NPS: variants seen among roughly 807,000 people sequenced by gnomAD.
The protein encoded by NPS is neuropeptide S, also known as prepro-neuropeptide S.
A neutral mutation model predicts 7.2 loss-of-function variants in NPS; 6 were observed. The ratio of observed to expected loss-of-function variants is 0.83; its 90% CI spans 0.46 to 1.64. The LOEUF is 1.64. Ranked by LOEUF, NPS falls within the 40% of genes most tolerant of loss-of-function variation. The probability of loss-of-function intolerance (pLI) is 0.01; values close to 1 mark genes in which losing one functional copy is unlikely to be tolerated. For missense variants in NPS, 123 were observed against 97.8 expected (o/e 1.26, Z -1.09); for synonymous variants, 42 against 36.7 (o/e 1.14, Z -0.52).
chr10:127,549,586 C>A lies in NPS; in HGVS notation c.90+16C>A. On this transcript the variant is annotated intron_variant, in intron 2 of 2. Transcript: ENST00000398023. ...ATCTTCTAAGGTAAGGATTTGCCTC[C>A]GTTGTGGATATTTAAATAGATGACT... The A allele has an allele frequency of 7.0e-7, 1 of 1,435,862 alleles. No individual in the cohort carries two copies. The highest frequency in any genetic ancestry group is 9.8e-7 in the Non-Finnish European group (1 of 1,018,854). 88.9% of individuals were successfully genotyped at this position (1,435,862 alleles called of 1,614,324 possible).
intron 2 of NPS, among the ~76,000 whole-genome samples, chr10:127,551,154 A>G (rs1393314512): frequency 1.3e-5 from 2 of 152,152 alleles, no homozygotes; most frequent in Non-Finnish European, 1.5e-5. Context: ...TAGCACACGG[A>G]AAAATACATA....
intron 2 of NPS, among the ~76,000 whole-genome samples, chr10:127,550,602 T>C (rs1041256652): frequency 1.3e-5 from 2 of 152,236 alleles, no homozygotes; most frequent in African/African-American, 4.8e-5. Flanking sequence ...CAGGCTCTTC[T>C]CTGTAGCTTT....
At position 127,552,921 on chromosome 10, in the gene NPS, G is replaced by A. The variant is rs942661688; in HGVS notation, c.*282G>A. On this transcript the variant is annotated 3_prime_UTR_variant, in exon 3 of 3. Coordinates refer to ENST00000398023, the MANE Select transcript of NPS (RefSeq NM_001030013.2). Reference sequence around the variant, plus strand: ...GACACTTTTGCTTTGCTTTTAACTTGGCCAGAAAGCATGAGCATGTTGACA... The same window carrying A: ...GACACTTTTGCTTTGCTTTTAACTTAGCCAGAAAGCATGAGCATGTTGACA... Among the ~76,000 whole-genome samples the A allele has an allele frequency of 2.0e-5, 3 of 152,068 alleles. No homozygotes were observed. Among genetic ancestry groups the A allele is most frequent in the Admixed American group, 6.5e-5 (1 of 15,272 alleles).
rs77800207 is a variant in NPS, at chr10:127,549,586, C to T, written c.90+16C>T. On this transcript the variant is annotated intron_variant, in intron 2 of 2. Coordinates refer to ENST00000398023, the MANE Select transcript of NPS (RefSeq NM_001030013.2). ...ATCTTCTAAGGTAAGGATTTGCCTCCGTTGTGGATATTTAAATAGATGACT... is the reference window on the plus strand; with the variant it reads ...ATCTTCTAAGGTAAGGATTTGCCTCTGTTGTGGATATTTAAATAGATGACT... 464 of 1,435,864 alleles carry T rather than the reference C, an allele frequency of 3.2e-4. No homozygotes were observed. The African/African-American group carries it at 5.0e-3, about 16-fold the overall frequency. The allele number at this position is 1,435,864 out of a possible 1,614,324, so 88.9% of individuals were successfully genotyped here. A position where few individuals can be genotyped will look rare whatever the true frequency, so the allele number is the denominator to read the frequency against.
chr10:127,550,065 G>A (rs1999635), intron 2 of NPS, among the ~76,000 whole-genome samples: 12,969 of 152,060 alleles, frequency 0.085, 951 homozygotes, highest in African/African-American at 0.19. Context: ...TCATTGAACT[G>A]TTCAAGACAT....
At position 127,553,435 on chromosome 10, in the gene NPS, C is replaced by A. The variant is rs72845562; in HGVS notation, c.*796C>A. ...TCCCCCATCCTTCCAGGAAAGACTG[C>A]CCACTCTTTGCACTGAAACTCCTGA... On this transcript the variant is annotated 3_prime_UTR_variant, in exon 3 of 3. Coordinates refer to ENST00000398023, the MANE Select transcript of NPS (RefSeq NM_001030013.2). 0.088 allele frequency among the ~76,000 whole-genome samples: 13,347 copies of A among 152,172 alleles called. 743 individuals are homozygous for A. Among genetic ancestry groups the A allele is most frequent in the Non-Finnish European group, 0.14 (9,204 of 67,972 alleles).
chr10:127,550,226 C>A (rs1844845822), intron 2 of NPS, among the ~76,000 whole-genome samples: 1 of 151,966 alleles, frequency 6.6e-6, no homozygotes, highest in Non-Finnish European at 1.5e-5. Context: ...TAAAACGTAA[C>A]CTGTCACATT....
chr10:127,550,723 G>A (rs1441674324), intron 2 of NPS, among the ~76,000 whole-genome samples: 1 of 152,094 alleles, frequency 6.6e-6, no homozygotes, highest in South Asian at 2.1e-4. Context: ...ATTTTTGCAC[G>A]TGACAGTTTT....
intron 2 of NPS, among the ~76,000 whole-genome samples, chr10:127,550,652 T>C (rs1473145417): frequency 6.6e-6 from 1 of 152,238 alleles, no homozygotes; most frequent in Non-Finnish European, 1.5e-5. Context: ...CTAAAATACT[T>C]ATGAGACTTC....
chr10:127,550,459 T>C (rs977613211), intron 2 of NPS, among the ~76,000 whole-genome samples: 1 of 152,206 alleles, frequency 6.6e-6, no homozygotes, highest in Non-Finnish European at 1.5e-5. Flanking sequence ...AATTTAGTCA[T>C]CAATTCTATA....
Position 127,549,579 on chromosome 10 carries a change from T to C in NPS, c.90+9T>C, listed in dbSNP as rs1214259686. On this transcript the variant is annotated intron_variant, in intron 2 of 2. Transcript: ENST00000398023. Reference sequence around the variant, plus strand: ...CAGTTCCATCTTCTAAGGTAAGGATTTGCCTCCGTTGTGGATATTTAAATA... The same window carrying C: ...CAGTTCCATCTTCTAAGGTAAGGATCTGCCTCCGTTGTGGATATTTAAATA... The C allele has an allele frequency of 4.0e-6, 6 of 1,513,090 alleles. No homozygotes were observed. Among genetic ancestry groups the C allele is most frequent in the East Asian group, 2.3e-5 (1 of 44,376 alleles). The allele number at this position is 1,513,090 out of a possible 1,614,324, so 93.7% of individuals were successfully genotyped here.
At chr10:127,549,615 A>G (rs774784530) in intron 2 of NPS, 45 bp downstream of exon 2, 1 of 1,048,316 alleles carries the variant, frequency 9.5e-7, no homozygotes, top group South Asian at 1.3e-5. Flanking sequence ...GATGACTAGA[A>G]TGGTAAATTA....
intron 2 of NPS, 123 bp downstream of exon 2, chr10:127,549,693 A>C: frequency 3.0e-6 from 2 of 658,406 alleles, no homozygotes; most frequent in Non-Finnish European, 5.3e-6. Flanking sequence ...TAGAGTTCTC[A>C]ATGGGAAAAA....
chr10:127,549,983 A>T (rs1844843239), intron 2 of NPS, among the ~76,000 whole-genome samples: 1 of 152,312 alleles, frequency 6.6e-6, no homozygotes, highest in South Asian at 2.1e-4. Context: ...ATAAAACGTT[A>T]GCTCTAAATA....
rs752597143 is a variant in NPS at position 127,552,550 on chromosome 10, A to G, written c.181A>G (p.Ile61Val). The G allele has an allele frequency of 4.3e-6, 7 of 1,613,322 alleles. No individual in the cohort carries two copies. The highest frequency in any genetic ancestry group is 2.2e-5 in the East Asian group (1 of 44,850). Residue 61 changes from isoleucine to valine, a missense_variant, in exon 3 of 3, where the codon ATT becomes GTT. By Grantham distance (29) the Ile-to-Val change is conservative. Coordinates refer to ENST00000398023, the MANE Select transcript of NPS (RefSeq NM_001030013.2). ...RSKELAFLKP[I>V]LEKMFVKRSF... ...CAAAGAACTAGCTTTTCTAAAGCCAATTTTGGAGAAGATGTTTGTGAAAAG... is the reference window on the plus strand; with the variant it reads ...CAAAGAACTAGCTTTTCTAAAGCCAGTTTTGGAGAAGATGTTTGTGAAAAG...
intron 2 of NPS, among the ~76,000 whole-genome samples, chr10:127,550,741 T>C (rs180737825): frequency 6.6e-6 from 1 of 152,366 alleles, no homozygotes; most frequent in African/African-American, 2.4e-5. Flanking sequence ...TTTGTTCTTG[T>C]TATTACCTAG....
Position 127,549,389 on chromosome 10 carries a change from G to T in NPS, c.8+13G>T, listed in dbSNP as rs753277035. 2 of 1,607,934 alleles carry T rather than the reference G, an allele frequency of 1.2e-6. No homozygotes were observed. The highest frequency in any genetic ancestry group is 2.2e-5 in the East Asian group (1 of 44,776). On this transcript the variant is annotated intron_variant, in intron 1 of 2. Coordinates refer to ENST00000398023, the MANE Select transcript of NPS (RefSeq NM_001030013.2). ...CCAAAATGATTAGGTAAAAGGCTAC[G>T]TTTTTCTGCAAAGAAAAATGTTGCA...
At chr10:127,551,956 C>T (rs1844862537) in intron 2 of NPS, among the ~76,000 whole-genome samples, 1 of 152,174 alleles carries the variant, frequency 6.6e-6, no homozygotes. Flanking sequence ...ATTATCCAGC[C>T]TCGAGCCAGT....
At position 127,552,936 on chromosome 10, in the gene NPS, G is replaced by T. The variant is rs1345748665; in HGVS notation, c.*297G>T. Among the ~76,000 whole-genome samples, 2 of 152,120 alleles carry T rather than the reference G, an allele frequency of 1.3e-5. No homozygotes were observed. Among genetic ancestry groups the T allele is most frequent in the African/African-American group, 2.4e-5 (1 of 41,414 alleles). ...CTTTTAACTTGGCCAGAAAGCATGA[G>T]CATGTTGACAGTCATCACGATAGTA... On this transcript the variant is annotated 3_prime_UTR_variant, in exon 3 of 3. Coordinates refer to ENST00000398023, the MANE Select transcript of NPS (RefSeq NM_001030013.2).
Sources: allele counts gnomAD v4.1 joint callset (sites outside exome capture counted in the v4.1 genomes callset), GRCh38; gene constraint gnomAD v4.1.1; transcripts MANE v1.5; gene names NCBI Gene and HGNC (gene_info 2026-07-23, HGNC 2026-07-21).